The following HTR1E variants were observed in gnomAD, a reference collection of about 807,000 sequenced individuals.
HTR1E encodes the protein 5-HT-1E.
A neutral mutation model predicts 3.4 loss-of-function variants in HTR1E; 3 were observed. The observed-to-expected ratio is 0.89, with a 90% CI of 0.41 to 2.31. The LOEUF (loss-of-function observed/expected upper bound fraction) is 2.31, where lower values mean the gene tolerates loss of function less well. Ranked by LOEUF, HTR1E falls within the 30% of genes most tolerant of loss-of-function variation. The probability of loss-of-function intolerance (pLI) is 0.05; values close to 1 mark genes in which losing one functional copy is unlikely to be tolerated. For missense variants in HTR1E, 392 were observed against 467.0 expected (o/e 0.84, Z 1.48); for synonymous variants, 170 against 182.8 (o/e 0.93, Z 0.56).
intron 1 of HTR1E, among the ~76,000 whole-genome samples, chr6:86,995,823 G>A (rs1048674736): frequency 2.0e-5 from 3 of 151,632 alleles, no homozygotes; most frequent in African/African-American, 7.3e-5. Context: ...CAGTAGGAGT[G>A]TCTATATTAA....
intron 1 of HTR1E, among the ~76,000 whole-genome samples, chr6:86,961,018 G>A (rs574254578): frequency 2.0e-5 from 3 of 152,312 alleles, no homozygotes; most frequent in Non-Finnish European, 4.4e-5. Flanking sequence ...CTAATTATAA[G>A]TAGAAAATAA....
intron 1 of HTR1E, among the ~76,000 whole-genome samples, chr6:86,981,746 C>A (rs1767714650): frequency 6.6e-6 from 1 of 152,176 alleles, no homozygotes; most frequent in Non-Finnish European, 1.5e-5. Flanking sequence ...CATAACTGTC[C>A]TTTGATATTA....
At chr6:87,014,249 TAAAG>T (rs1768282205) in intron 1 of HTR1E, among the ~76,000 whole-genome samples, 1 of 136,352 alleles carries the variant, frequency 7.3e-6, no homozygotes, top group African/African-American at 2.8e-5. Context: ...CCCTAGAACT[TAAAG>T]TATAATAATA....
chr6:86,997,145 T>C (rs987900565), intron 1 of HTR1E, among the ~76,000 whole-genome samples: 2 of 151,958 alleles, frequency 1.3e-5, no homozygotes, highest in Non-Finnish European at 2.9e-5. Flanking sequence ...TTAACATTCA[T>C]TCATTATAAA....
chr6:86,957,907 G>A (rs1188383968), intron 1 of HTR1E, among the ~76,000 whole-genome samples: 1 of 152,204 alleles, frequency 6.6e-6, no homozygotes, highest in Non-Finnish European at 1.5e-5. Flanking sequence ...TGGAGTGTGA[G>A]CAGAGAGGGG....
intron 1 of HTR1E, among the ~76,000 whole-genome samples, chr6:86,989,031 T>C (rs1442482728): frequency 1.3e-5 from 2 of 152,198 alleles, no homozygotes; most frequent in African/African-American, 2.4e-5. Context: ...TTATTGGGCA[T>C]TAACAACACG....
Position 87,015,563 on chromosome 6 carries a change from C to T in HTR1E, c.229C>T (p.Pro77Ser), listed in dbSNP as rs1768308700. Residue 77 changes from proline (P) to serine (S), a missense_variant, in exon 2 of 2, where the codon CCC becomes TCC. This residue lies in a region of HTR1E where 189 missense variants were observed against 258.0 expected (regional missense o/e 0.73). Coordinates refer to ENST00000305344, the MANE Select transcript of HTR1E (RefSeq NM_000865.3). ...CCTCCTGGTGGCAGTGCTCGTCATG[C>T]CCCTGAGCATCATCTACATTGTCAT... is the stretch of plus-strand genomic sequence containing the variant. ...TDLLVAVLVM[P>S]LSIIYIVMDR... 1 of 1,613,156 alleles carries T rather than the reference C, an allele frequency of 6.2e-7. No individual in the cohort carries two copies. Among genetic ancestry groups the T allele is most frequent in the Non-Finnish European group, 8.5e-7 (1 of 1,179,484 alleles).
At chr6:86,951,855 T>C (rs1382000075) in intron 1 of HTR1E, among the ~76,000 whole-genome samples, 1 of 152,122 alleles carries the variant, frequency 6.6e-6, no homozygotes, top group East Asian at 1.9e-4. Flanking sequence ...ACACAGTATA[T>C]TTGGACCCCA....
chr6:86,977,490 A>C (rs1767654183), intron 1 of HTR1E, among the ~76,000 whole-genome samples: 1 of 152,190 alleles, frequency 6.6e-6, no homozygotes, highest in South Asian at 2.1e-4. Flanking sequence ...GAGGAAATGA[A>C]CATATGAGTG....
rs1457221872 is a variant in HTR1E, at chr6:86,967,084, A to G, written c.-186+29261A>G. On this transcript the variant is annotated intron_variant, in intron 1 of 1. Transcript: ENST00000305344. ...GAGTGATATAGTATAATAAGCAGAA[A>G]GACTGTGAAACCAGACACATAGCTA... 3.3e-5 allele frequency among the ~76,000 whole-genome samples: 5 copies of G among 152,312 alleles called. No individual in the cohort carries two copies. The East Asian group carries it at 7.7e-4, about 24-fold the overall frequency.
chr6:86,970,669 G>T lies in HTR1E; in HGVS notation c.-186+32846G>T. 3 of 162,174 alleles carry T rather than the reference G, an allele frequency of 1.8e-5. No individual in the cohort carries two copies. The South Asian group carries it at 5.0e-4, about 27-fold the overall frequency. The allele number at this position is 162,174 out of a possible 1,614,324, so 10.0% of individuals were successfully genotyped here. On this transcript the variant is annotated intron_variant, in intron 1 of 1. Coordinates refer to ENST00000305344, the MANE Select transcript of HTR1E (RefSeq NM_000865.3). The stretch of plus-strand genomic sequence containing the variant: ...GAATGGAGATTCGAATGGCCAGAAT[G>T]GCAAGAAAAGCTGGCAACCTCTATA...
At chr6:87,011,142 A>G (rs1768227194) in intron 1 of HTR1E, among the ~76,000 whole-genome samples, 1 of 152,232 alleles carries the variant, frequency 6.6e-6, no homozygotes, top group Admixed American at 6.5e-5. Context: ...GAGGTAAAGC[A>G]ATTGCAGCCC....
chr6:86,994,330 G>A (rs909928341), intron 1 of HTR1E, among the ~76,000 whole-genome samples: 5 of 151,992 alleles, frequency 3.3e-5, no homozygotes, highest in African/African-American at 7.2e-5. Flanking sequence ...CAGACATATC[G>A]CAGTTAAATT....
chr6:87,014,804 G>T (rs752840895), intron 1 of HTR1E, among the ~76,000 whole-genome samples: 4 of 152,112 alleles, frequency 2.6e-5, no homozygotes, highest in Admixed American at 6.5e-5. Flanking sequence ...GGGCCTGTTG[G>T]GGGGTGGAGG....
intron 1 of HTR1E, among the ~76,000 whole-genome samples, chr6:87,003,781 A>G (rs1224380951): frequency 6.6e-6 from 1 of 152,132 alleles, no homozygotes; most frequent in East Asian, 1.9e-4. Context: ...CAGAGCAGAA[A>G]TAAGTGAAAT....
At chr6:87,013,565 T>A (rs16878131) in intron 1 of HTR1E, among the ~76,000 whole-genome samples, 6,276 of 152,248 alleles carry the variant, frequency 0.041, 178 homozygotes, top group East Asian at 0.14. Flanking sequence ...TGTGAAAGTT[T>A]AAAATCTGAT....
intron 1 of HTR1E, among the ~76,000 whole-genome samples, chr6:86,952,896 G>C (rs1562059845): frequency 6.6e-6 from 1 of 152,176 alleles, no homozygotes; most frequent in Non-Finnish European, 1.5e-5. Flanking sequence ...CCAGACCAGA[G>C]AATATATTGC....
chr6:86,942,550 A>G (rs528323402), intron 1 of HTR1E, among the ~76,000 whole-genome samples: 2 of 152,326 alleles, frequency 1.3e-5, no homozygotes, highest in East Asian at 3.9e-4. Flanking sequence ...GAGCCATTTT[A>G]ACTTTCTTAC....
intron 1 of HTR1E, among the ~76,000 whole-genome samples, chr6:86,976,568 C>A (rs1470238946): frequency 6.6e-6 from 1 of 152,198 alleles, no homozygotes; most frequent in East Asian, 1.9e-4. Flanking sequence ...ACATCAACAT[C>A]TCCAAGATGG....
Sources: allele counts gnomAD v4.1 joint callset (sites outside exome capture counted in the v4.1 genomes callset), GRCh38; gene constraint gnomAD v4.1.1; regional missense constraint gnomAD v4.1.1; transcripts MANE v1.5; gene names NCBI Gene and HGNC (gene_info 2026-07-23, HGNC 2026-07-21).